RPS6KA1: variants seen among roughly 807,000 people sequenced by gnomAD.
The protein encoded by RPS6KA1 is ribosomal protein S6 kinase A1.
RPS6KA1 carries 48 observed loss-of-function variants against 91.3 expected under a neutral mutation model. That is an observed-to-expected ratio of 0.53 (90% CI 0.42 to 0.67). The LOEUF (loss-of-function observed/expected upper bound fraction) is 0.67. Ranked by LOEUF, RPS6KA1 falls within the 30% of genes least tolerant of loss-of-function variation. The probability of loss-of-function intolerance (pLI) is 0.00; values close to 1 mark genes in which losing one functional copy is unlikely to be tolerated. For synonymous variants in RPS6KA1, 359 were observed against 384.7 expected (o/e 0.93, Z 0.78); for missense variants, 719 against 960.5 (o/e 0.75, Z 3.32).
intron 17 of RPS6KA1, among the ~76,000 whole-genome samples, chr1:26,567,334 T>C (rs901580697): frequency 1.3e-5 from 2 of 152,152 alleles, no homozygotes; most frequent in Non-Finnish European, 2.9e-5. Context: ...GCCCAGAGCC[T>C]GTGCTGCTTT....
In RPS6KA1 at chr1:26,546,028, G is replaced by A. The variant is rs566031236; in HGVS notation, c.109-839G>A. 18 of 1,611,210 alleles carry A rather than the reference G, an allele frequency of 1.1e-5. No homozygotes were observed. The highest frequency in any genetic ancestry group is 5.0e-5 in the Admixed American group (3 of 59,784). On this transcript the variant is annotated intron_variant, in intron 2 of 21. Coordinates refer to ENST00000374168, the MANE Select transcript of RPS6KA1 (RefSeq NM_002953.4). The stretch of plus-strand genomic sequence containing the variant: ...CCTGGCCCTGGCTCTGGCCCCCAGC[G>A]GGACTCGGTGAGTGTGCCCGAATGT...
chr1:26,553,948 C>T (rs542602830), intron 7 of RPS6KA1: 1 of 427,656 alleles, frequency 2.3e-6, no homozygotes, highest in Non-Finnish European at 4.2e-6. Flanking sequence ...TGTAGAGCTA[C>T]TTAACTGCCC....
At chr1:26,559,448 C>T (rs2124650617) in intron 14 of RPS6KA1, among the ~76,000 whole-genome samples, 2 of 152,170 alleles carry the variant, frequency 1.3e-5, no homozygotes, top group East Asian at 3.9e-4. Context: ...CTCACTACAG[C>T]CTCCACCTCC....
chr1:26,564,479 C>T (rs1367804351), intron 17 of RPS6KA1, among the ~76,000 whole-genome samples: 1 of 152,090 alleles, frequency 6.6e-6, no homozygotes, highest in Non-Finnish European at 1.5e-5. Flanking sequence ...AGGATGGTTT[C>T]GATCACCTGA....
chr1:26,529,839 T>C lies in RPS6KA1; in HGVS notation c.-82T>C. On this transcript the variant is annotated 5_prime_UTR_variant, in exon 1 of 22. Transcript: ENST00000374168. The surrounding 1 kb of genome is among the most constrained non-coding windows in gnomAD (Gnocchi z 4.2). ...GCTCGGGGGGGCGCGGCGGTTCGGG[T>C]CGCAGAGCCAGGGACCCCAGGACCC... 1 of 1,114,776 alleles carries C rather than the reference T, an allele frequency of 9.0e-7. No homozygotes were observed. Among genetic ancestry groups the C allele is most frequent in the South Asian group, 2.5e-5 (1 of 39,262 alleles). The allele number at this position is 1,114,776 out of a possible 1,614,324, so 69.1% of individuals were successfully genotyped here. A position where few individuals can be genotyped will look rare whatever the true frequency, so the allele number is the denominator to read the frequency against.
Position 26,555,202 on chromosome 1 carries a change from A to G in RPS6KA1, c.808A>G (p.Thr270Ala). The change falls in exon 10 of 22, where the codon ACC becomes GCC. Residue 270 changes from threonine to alanine, a missense_variant. Physicochemically the swap from Thr to Ala is moderately conservative, Grantham distance 58. Transcript: ENST00000374168. The surrounding 1 kb of genome is among the most constrained non-coding windows in gnomAD (Gnocchi z 4.3). ...CTTCCAGGGGAAGGACCGGAAGGAG[A>G]CCATGACACTGATTCTGAAGTAAGC... ...LPFQGKDRKE[T>A]MTLILKAKLG... The G allele has an allele frequency of 6.2e-7, 1 of 1,613,996 alleles. No individual in the cohort carries two copies. The highest frequency in any genetic ancestry group is 1.1e-5 in the South Asian group (1 of 91,084).
chr1:26,545,326 G>A (rs895664964), intron 2 of RPS6KA1, among the ~76,000 whole-genome samples: 7 of 129,320 alleles, frequency 5.4e-5, no homozygotes, highest in African/African-American at 1.8e-4. Flanking sequence ...TGACCACCAC[G>A]CCTGGCCAAT....
At chr1:26,572,772 GA>G (rs1365673886) in intron 20 of RPS6KA1, among the ~76,000 whole-genome samples, 1 of 152,196 alleles carries the variant, frequency 6.6e-6, no homozygotes, top group African/African-American at 2.4e-5. Context: ...CTGTATGCCA[GA>G]CAGAGTTGAA....
At chr1:26,569,440 C>T (rs922396498) in intron 17 of RPS6KA1, among the ~76,000 whole-genome samples, 2 of 152,118 alleles carry the variant, frequency 1.3e-5, no homozygotes, top group African/African-American at 4.8e-5. Flanking sequence ...GGAGGGAGCC[C>T]ACGGGACTTT....
At chr1:26,573,797 G>A (rs780902561) in intron 21 of RPS6KA1, among the ~76,000 whole-genome samples, 5 of 152,112 alleles carry the variant, frequency 3.3e-5, no homozygotes, top group Non-Finnish European at 7.4e-5. Context: ...AATTAGCCAG[G>A]TGTGGTGGCA....
At chr1:26,549,483 C>T (rs1380807312) in intron 4 of RPS6KA1, among the ~76,000 whole-genome samples, 3 of 151,750 alleles carry the variant, frequency 2.0e-5, no homozygotes, top group Non-Finnish European at 2.9e-5. Context: ...GCACTAGAAT[C>T]GCTTGAACCT....
chr1:26,560,690 A>G (rs770839294), intron 14 of RPS6KA1, 36 bp from the exon 15 acceptor site: 1 of 1,613,778 alleles, frequency 6.2e-7, no homozygotes, highest in South Asian at 1.1e-5. Flanking sequence ...AGCACTCTAG[A>G]GCCAGGGGTC....
intron 1 of RPS6KA1, among the ~76,000 whole-genome samples, chr1:26,532,186 G>C (rs2075872784): frequency 6.6e-6 from 1 of 152,116 alleles, no homozygotes. Flanking sequence ...TGGGAAGCGT[G>C]GGTGAGGATT....
chr1:26,552,746 C>T, intron 6 of RPS6KA1: 2 of 280,390 alleles, frequency 7.1e-6, no homozygotes, highest in South Asian at 5.9e-5. Flanking sequence ...CTCAGCCTCC[C>T]AAACTGCTGG....
At chr1:26,535,378 G>T (rs2075898712) in intron 1 of RPS6KA1, among the ~76,000 whole-genome samples, 1 of 151,978 alleles carries the variant, frequency 6.6e-6, no homozygotes, top group Non-Finnish European at 1.5e-5. Context: ...GCCAAGCAGG[G>T]CTACAGCTGC....
intron 13 of RPS6KA1, 102 bp downstream of exon 13, chr1:26,557,202 C>A: frequency 1.1e-6 from 1 of 879,950 alleles, no homozygotes; most frequent in Non-Finnish European, 1.8e-6. Flanking sequence ...CACTGACAGG[C>A]CGAGGTATGC....
Position 26,551,351 on chromosome 1 carries a change from T to C in RPS6KA1, c.308-46T>C, listed in dbSNP as rs201997320. ...CTTAGCGGGGGCTTGGGAGTGGCTG[T>C]GTTGAGTGTCTAGGCTACTGGTGAC... On this transcript the variant is annotated intron_variant, in intron 4 of 21. Coordinates refer to ENST00000374168, the MANE Select transcript of RPS6KA1 (RefSeq NM_002953.4). The surrounding 1 kb of genome is among the most constrained non-coding windows in gnomAD (Gnocchi z 4.5). 1 of 1,546,724 alleles carries C rather than the reference T, an allele frequency of 6.5e-7. No homozygotes were observed. The highest frequency in any genetic ancestry group is 8.9e-7 in the Non-Finnish European group (1 of 1,120,628).
chr1:26,536,208 A>C (rs60988462), intron 1 of RPS6KA1, among the ~76,000 whole-genome samples: 1 of 150,196 alleles, frequency 6.7e-6, no homozygotes, highest in Non-Finnish European at 1.5e-5. Context: ...CACTGAGCCC[A>C]GTGCCTGCCA....
chr1:26,536,687 C>A (rs1382155879), intron 1 of RPS6KA1, among the ~76,000 whole-genome samples: 1 of 152,236 alleles, frequency 6.6e-6, no homozygotes, highest in East Asian at 1.9e-4. Flanking sequence ...GCATGAGGGT[C>A]AGAATGCTGG....
Sources: gnomAD v4.1 joint callset for allele counts (sites outside exome capture counted in the v4.1 genomes callset) on GRCh38, gnomAD v4.1.1 for gene constraint, Gnocchi (gnomAD v3.1) non-coding constraint, MANE v1.5 for transcripts, NCBI Gene and HGNC (gene_info 2026-07-23, HGNC 2026-07-21) for gene names.